TRDMT1: variants seen among roughly 807,000 people sequenced by gnomAD.
TRDMT1 encodes tRNA aspartic acid methyltransferase 1, also known as tRNA (cytosine(38)-C(5))-methyltransferase.
In TRDMT1, 49 loss-of-function variants were observed where a neutral mutation model predicts 51.2. The ratio of observed to expected loss-of-function variants is 0.96; its 90% CI spans 0.76 to 1.21. TRDMT1 has a LOEUF of 1.21. Among genes scored for constraint, TRDMT1 ranks in the 50% most tolerant of loss-of-function variants. The pLI is 0.00. For missense variants in TRDMT1, 534 were observed against 462.3 expected (o/e 1.16, Z -1.42); for synonymous variants, 187 against 164.6 (o/e 1.14, Z -1.04).
intron 1 of TRDMT1, among the ~76,000 whole-genome samples, chr10:17,182,464 T>A (rs1319043351): frequency 1.3e-5 from 2 of 152,198 alleles, no homozygotes; most frequent in African/African-American, 4.8e-5. Flanking sequence ...TTTGTTCCTA[T>A]GAGGAGAAGC....
At position 17,148,998 on chromosome 10, in the gene TRDMT1, T is replaced by G. The variant is rs751682666; in HGVS notation, c.*42A>C. The stretch of plus-strand genomic sequence containing the variant: ...GAATTTCAGAATTACTCTCTGAAAA[T>G]GAAGGAATATCATATGACCATCTTT... On this transcript the variant is annotated 3_prime_UTR_variant, in exon 11 of 11. Coordinates refer to ENST00000377799, the MANE Select transcript of TRDMT1 (RefSeq NM_004412.7). The G allele has an allele frequency of 4.7e-5, 72 of 1,521,534 alleles. No homozygotes were observed. The highest frequency in any genetic ancestry group is 5.4e-5 in the Non-Finnish European group (61 of 1,131,814). The allele number at this position is 1,521,534 out of a possible 1,614,324, so 94.3% of individuals were successfully genotyped here. A position where few individuals can be genotyped will look rare whatever the true frequency, so the allele number is the denominator to read the frequency against.
chr10:17,152,125 G>T lies in TRDMT1; in HGVS notation c.1075+1382C>A. The T allele has an allele frequency of 2.4e-6, 3 of 1,276,220 alleles. No individual in the cohort carries two copies. The South Asian group carries it at 3.8e-5, about 16-fold the overall frequency. 79.1% of individuals were successfully genotyped at this position (1,276,220 alleles called of 1,614,324 possible). On this transcript the variant is annotated intron_variant, in intron 10 of 10. Coordinates refer to ENST00000377799, the MANE Select transcript of TRDMT1 (RefSeq NM_004412.7). The stretch of plus-strand genomic sequence containing the variant: ...CTGAAAAAAGGAAAAAAAAATAGTA[G>T]CTAGGAAAGCAGACTAGGAATGAGA...
At chr10:17,155,671 T>G (rs1839396979) in intron 8 of TRDMT1, among the ~76,000 whole-genome samples, 1 of 152,194 alleles carries the variant, frequency 6.6e-6, no homozygotes, top group South Asian at 2.1e-4. Context: ...TCTCTAAGAT[T>G]ATTGCCAAGC....
intron 1 of TRDMT1, 40 bp downstream of exon 1, chr10:17,201,531 C>T: frequency 6.5e-7 from 1 of 1,539,576 alleles, no homozygotes; most frequent in Non-Finnish European, 8.8e-7. Context: ...AACCAGCCCC[C>T]GTGAGCGAAT....
At chr10:17,166,463 T>C (rs1333233357) in intron 3 of TRDMT1, among the ~76,000 whole-genome samples, 5 of 152,054 alleles carry the variant, frequency 3.3e-5, no homozygotes, top group African/African-American at 1.2e-4. Context: ...GGCACACGTA[T>C]ACATATGTAA....
intron 8 of TRDMT1, among the ~76,000 whole-genome samples, chr10:17,156,889 GAGA>G (rs1255403563): frequency 6.6e-6 from 1 of 152,102 alleles, no homozygotes; most frequent in Non-Finnish European, 1.5e-5. Context: ...CACATGTGGG[GAGA>G]AGAACTGAAT....
At chr10:17,170,321 G>A (rs1306181046) in intron 2 of TRDMT1, among the ~76,000 whole-genome samples, 2 of 152,082 alleles carry the variant, frequency 1.3e-5, no homozygotes. Context: ...AGTGTATTTG[G>A]ATTAAATAAA....
Position 17,144,697 on chromosome 10 carries a change from T to C in TRDMT1, c.*4343A>G, listed in dbSNP as rs1326299434. ...TCACAAGCTAAGACATGAATGGTGATGGAGTTTGGATCTTGATTGTGTAAG... is the reference window on the plus strand; with the variant it reads ...TCACAAGCTAAGACATGAATGGTGACGGAGTTTGGATCTTGATTGTGTAAG... On this transcript the variant is annotated 3_prime_UTR_variant, in exon 11 of 11. Transcript: ENST00000377799. The C allele has an allele frequency of 4.1e-6, 4 of 985,288 alleles. No individual in the cohort carries two copies. Among genetic ancestry groups the C allele is most frequent in the East Asian group, 1.1e-4 (1 of 8,836 alleles). 61.0% of individuals were successfully genotyped at this position (985,288 alleles called of 1,614,324 possible).
At chr10:17,196,215 T>G (rs1845409988) in intron 1 of TRDMT1, among the ~76,000 whole-genome samples, 1 of 152,220 alleles carries the variant, frequency 6.6e-6, no homozygotes, top group Admixed American at 6.5e-5. Context: ...GGCTGAGTAA[T>G]TCTTACTAAA....
intron 8 of TRDMT1, 50 bp downstream of exon 8, chr10:17,157,391 A>T (rs746024370): frequency 1.4e-5 from 20 of 1,452,888 alleles, no homozygotes; most frequent in African/African-American, 2.9e-5. Context: ...CAATAGCTTT[A>T]AAAAACCTGG....
intron 1 of TRDMT1, among the ~76,000 whole-genome samples, chr10:17,190,538 C>T (rs1469954058): frequency 1.3e-5 from 2 of 151,340 alleles, no homozygotes; most frequent in Non-Finnish European, 2.9e-5. Context: ...TTCTCAAAAG[C>T]CCTGATTATT....
chr10:17,193,195 C>T (rs1449206582), intron 1 of TRDMT1, among the ~76,000 whole-genome samples: 1 of 152,144 alleles, frequency 6.6e-6, no homozygotes, highest in East Asian at 1.9e-4. Flanking sequence ...GAAACCCCGT[C>T]TCTACTAAAA....
intron 1 of TRDMT1, among the ~76,000 whole-genome samples, chr10:17,185,617 T>C (rs1306960674): frequency 3.3e-5 from 5 of 152,210 alleles, no homozygotes; most frequent in African/African-American, 9.6e-5. Context: ...CGTATGTTTA[T>C]TGCGGCACTA....
chr10:17,192,807 T>C (rs1030904659), intron 1 of TRDMT1, among the ~76,000 whole-genome samples: 4 of 152,200 alleles, frequency 2.6e-5, no homozygotes, highest in African/African-American at 9.7e-5. Context: ...AAAATCCATA[T>C]GATCCTCTCA....
In TRDMT1 at chr10:17,160,375, CT is replaced by C; in HGVS notation, c.390-2del. On this transcript the variant is annotated splice_acceptor_variant, in intron 5 of 10. Transcript: ENST00000377799. LOFTEE classifies it high-confidence loss of function. Reference sequence around the variant, plus strand: ...TTCTATTGTTTGTATCAAGAGGTCTCTAAAAAGAAAAAAAAAAAACTTTAAT... The same window carrying C: ...TTCTATTGTTTGTATCAAGAGGTCTCAAAAAGAAAAAAAAAAAACTTTAAT... 1.3e-6 allele frequency: 2 copies of C among 1,501,190 alleles called. No homozygotes were observed. The highest frequency in any genetic ancestry group is 2.2e-5 in the Admixed American group (1 of 45,552). The allele number at this position is 1,501,190 out of a possible 1,614,324, so 93.0% of individuals were successfully genotyped here. A position where few individuals can be genotyped will look rare whatever the true frequency, so the allele number is the denominator to read the frequency against.
At chr10:17,153,380 G>A (rs1463428499) in intron 10 of TRDMT1, 127 bp downstream of exon 10, 2 of 1,079,444 alleles carry the variant, frequency 1.9e-6, no homozygotes, top group Non-Finnish European at 1.3e-6. Context: ...GCCATAAATG[G>A]CATGATCAGG....
chr10:17,160,356 T>A lies in TRDMT1; in HGVS notation c.408A>T (p.Thr136=). 1 of 1,563,878 alleles carries A rather than the reference T, an allele frequency of 6.4e-7. No homozygotes were observed. The highest frequency in any genetic ancestry group is 8.7e-7 in the Non-Finnish European group (1 of 1,155,324). ...VSSTRDLLIQ[T]IENCGFQYQE... Reference sequence around the variant, plus strand: ...GGTACTGAAAGCCACAATTTTCTATTGTTTGTATCAAGAGGTCTCTAAAAA... The same window carrying A: ...GGTACTGAAAGCCACAATTTTCTATAGTTTGTATCAAGAGGTCTCTAAAAA... The change falls in exon 6 of 11, where the codon ACA becomes ACT. Residue 136 remains threonine (T), a synonymous_variant. Coordinates refer to ENST00000377799, the MANE Select transcript of TRDMT1 (RefSeq NM_004412.7).
At chr10:17,162,557 A>T (rs1446870208) in intron 3 of TRDMT1, among the ~76,000 whole-genome samples, 1 of 152,140 alleles carries the variant, frequency 6.6e-6, no homozygotes, top group Non-Finnish European at 1.5e-5. Flanking sequence ...AAATACAAAA[A>T]TTAGGCCGAG....
intron 4 of TRDMT1, 127 bp downstream of exon 4, chr10:17,162,039 T>C (rs1588543454): frequency 1.3e-6 from 1 of 795,692 alleles, no homozygotes; most frequent in East Asian, 2.5e-5. Context: ...AGAAGATAAA[T>C]GACAGGCCCA....
Sources: gnomAD v4.1 joint callset for allele counts (sites outside exome capture counted in the v4.1 genomes callset) on GRCh38, gnomAD v4.1.1 for gene constraint, MANE v1.5 for transcripts, NCBI Gene and HGNC (gene_info 2026-07-23, HGNC 2026-07-21) for gene names.